The following B3GAT2 variants were observed in gnomAD, a reference collection of about 807,000 sequenced individuals.
The protein encoded by B3GAT2 is beta-1,3-glucuronyltransferase 2.
B3GAT2 carries 26 observed loss-of-function variants against 27.8 expected under a neutral mutation model. That is an observed-to-expected ratio of 0.93 (90% CI 0.68 to 1.30). The LOEUF is 1.30. B3GAT2 is among the 50% of genes most tolerant of loss of function. B3GAT2 has a pLI of 0.00. For missense variants in B3GAT2, 458 were observed against 459.0 expected, an observed-to-expected ratio of 1.00 and a Z score of 0.02; for synonymous variants, 218 against 195.1, an observed-to-expected ratio of 1.12 and a Z score of -0.98.
intron 2 of B3GAT2, among the ~76,000 whole-genome samples, chr6:70,883,272 C>T (rs1772127338): frequency 6.6e-6 from 1 of 152,088 alleles, no homozygotes; most frequent in Admixed American, 6.5e-5. Flanking sequence ...ATCTGTGCAC[C>T]AATGTTTATA....
At position 70,860,461 on chromosome 6, in the gene B3GAT2, CTGATTGACCGTGTT is replaced by C. The variant is rs1771669030; in HGVS notation, c.*1188_*1201del. 8.7e-7 allele frequency: 1 copy of C among 1,146,712 alleles called. No homozygotes were observed. Among genetic ancestry groups the C allele is most frequent in the Admixed American group, 3.0e-5 (1 of 32,838 alleles). 71.0% of individuals were successfully genotyped at this position (1,146,712 alleles called of 1,614,324 possible). On this transcript the variant is annotated 3_prime_UTR_variant, in exon 4 of 4. Coordinates refer to ENST00000230053, the MANE Select transcript of B3GAT2 (RefSeq NM_080742.3). ...CCCATTTGTTCATATTAAGAATGAT[CTGATTGACCGTGTT>C]GGTCTGTACTGATTCAATTTGATGT...
chr6:70,896,167 C>A (rs1217534057), intron 1 of B3GAT2, among the ~76,000 whole-genome samples: 1 of 152,086 alleles, frequency 6.6e-6, no homozygotes, highest in African/African-American at 2.4e-5. Flanking sequence ...ATTTTCACTA[C>A]TGGAGAGGTG....
At chr6:70,934,097 G>A (rs181971532) in intron 1 of B3GAT2, among the ~76,000 whole-genome samples, 11 of 152,274 alleles carry the variant, frequency 7.2e-5, no homozygotes, top group Non-Finnish European at 4.4e-5. Flanking sequence ...GAGGTCATGG[G>A]AGCCTTTGGC....
At chr6:70,882,382 T>C (rs1213172300) in intron 2 of B3GAT2, among the ~76,000 whole-genome samples, 1 of 152,094 alleles carries the variant, frequency 6.6e-6, no homozygotes, top group Non-Finnish European at 1.5e-5. Context: ...GTGCCTGTAG[T>C]CCCAGCTACT....
intron 1 of B3GAT2, among the ~76,000 whole-genome samples, chr6:70,913,338 C>T (rs1014518997): frequency 3.3e-5 from 5 of 152,114 alleles, no homozygotes; most frequent in South Asian, 2.1e-4. Context: ...TTAGCTGTGT[C>T]GCAGAGATTT....
At chr6:70,945,361 T>C (rs529027595) in intron 1 of B3GAT2, among the ~76,000 whole-genome samples, 1 of 151,974 alleles carries the variant, frequency 6.6e-6, no homozygotes, top group South Asian at 2.1e-4. Flanking sequence ...GAATAACCAA[T>C]ACAGAGAAGT....
intron 1 of B3GAT2, among the ~76,000 whole-genome samples, chr6:70,907,407 C>T (rs372570340): frequency 2.1e-4 from 32 of 152,262 alleles, no homozygotes; most frequent in African/African-American, 5.3e-4. Flanking sequence ...ATTGTGAGGA[C>T]GGCAGGGTGG....
intron 1 of B3GAT2, among the ~76,000 whole-genome samples, chr6:70,904,662 G>A (rs994325329): frequency 6.6e-6 from 1 of 152,120 alleles, no homozygotes; most frequent in African/African-American, 2.4e-5. Context: ...AAGGGTTCCT[G>A]GCCAATCTGT....
chr6:70,909,221 G>T (rs1437332479), intron 1 of B3GAT2, among the ~76,000 whole-genome samples: 7 of 152,142 alleles, frequency 4.6e-5, no homozygotes, highest in Non-Finnish European at 1.0e-4. Context: ...TGTAAATAAG[G>T]CTTTGCTTAC....
chr6:70,887,390 CTG>C (rs1772205429), intron 2 of B3GAT2, among the ~76,000 whole-genome samples: 1 of 152,186 alleles, frequency 6.6e-6, no homozygotes, highest in Non-Finnish European at 1.5e-5. Flanking sequence ...CTTCAGCAAC[CTG>C]CCCAGAGTGA....
At chr6:70,941,516 T>C (rs1375901339) in intron 1 of B3GAT2, among the ~76,000 whole-genome samples, 1 of 152,126 alleles carries the variant, frequency 6.6e-6, no homozygotes, top group Admixed American at 6.6e-5. Flanking sequence ...CACGACCACC[T>C]TGACAAACCT....
intron 1 of B3GAT2, among the ~76,000 whole-genome samples, chr6:70,926,358 T>C (rs908028873): frequency 1.3e-5 from 2 of 152,162 alleles, no homozygotes; most frequent in Non-Finnish European, 2.9e-5. Flanking sequence ...TTCAGAAGAT[T>C]GGTAATAACA....
intron 1 of B3GAT2, among the ~76,000 whole-genome samples, chr6:70,926,105 C>T (rs1021260924): frequency 6.6e-6 from 1 of 152,212 alleles, no homozygotes; most frequent in South Asian, 2.1e-4. Context: ...GGAAAACTAA[C>T]AAAGCATCAA....
At chr6:70,916,529 G>A (rs1772777228) in intron 1 of B3GAT2, among the ~76,000 whole-genome samples, 1 of 152,074 alleles carries the variant, frequency 6.6e-6, no homozygotes, top group South Asian at 2.1e-4. Context: ...ATTGGCTGTG[G>A]GTGTGTCATA....
At chr6:70,874,927 G>A (rs1047901679) in intron 2 of B3GAT2, among the ~76,000 whole-genome samples, 4 of 151,852 alleles carry the variant, frequency 2.6e-5, no homozygotes, top group Non-Finnish European at 5.9e-5. Context: ...CTACCATGGA[G>A]GAAATGGAGA....
In B3GAT2 at chr6:70,857,137, C is replaced by T; in HGVS notation, c.*4526G>A. ...CTTTTATTGTTCCATGTAGTGAGTG[C>T]TTTTGTTGTTGCAGTTTATACAACT... On this transcript the variant is annotated 3_prime_UTR_variant, in exon 4 of 4. Coordinates refer to ENST00000230053, the MANE Select transcript of B3GAT2 (RefSeq NM_080742.3). The T allele has an allele frequency of 8.7e-7, 1 of 1,151,528 alleles. No individual in the cohort carries two copies. Among genetic ancestry groups the T allele is most frequent in the South Asian group, 2.6e-5 (1 of 38,638 alleles). 71.3% of individuals were successfully genotyped at this position (1,151,528 alleles called of 1,614,324 possible). A position where few individuals can be genotyped will look rare whatever the true frequency, so the allele number is the denominator to read the frequency against.
At chr6:70,916,336 T>C (rs1249952575) in intron 1 of B3GAT2, among the ~76,000 whole-genome samples, 5 of 152,226 alleles carry the variant, frequency 3.3e-5, no homozygotes, top group African/African-American at 1.2e-4. Context: ...TATAATCATG[T>C]CATCTACAAA....
chr6:70,859,600 A>G lies in B3GAT2; in HGVS notation c.*2063T>C. On this transcript the variant is annotated 3_prime_UTR_variant, in exon 4 of 4. Coordinates refer to ENST00000230053, the MANE Select transcript of B3GAT2 (RefSeq NM_080742.3). ...AAATCTTGCCTTTCCTTCTCTTATC[A>G]CCAATTTTGGAAGTAAGAGAATCAC... 4.9e-6 allele frequency: 2 copies of G among 404,380 alleles called. No individual in the cohort carries two copies. The highest frequency in any genetic ancestry group is 8.8e-6 in the Non-Finnish European group (2 of 228,404). 25.0% of individuals were successfully genotyped at this position (404,380 alleles called of 1,614,324 possible). A position where few individuals can be genotyped will look rare whatever the true frequency, so the allele number is the denominator to read the frequency against.
At chr6:70,945,803 T>C (rs1314014638) in intron 1 of B3GAT2, among the ~76,000 whole-genome samples, 2 of 148,970 alleles carry the variant, frequency 1.3e-5, no homozygotes, top group Admixed American at 6.7e-5. Flanking sequence ...AAGGAAAAAA[T>C]GGTAAGGGCA....
Sources: allele counts gnomAD v4.1 joint callset (sites outside exome capture counted in the v4.1 genomes callset), GRCh38; gene constraint gnomAD v4.1.1; transcripts MANE v1.5; gene names NCBI Gene and HGNC (gene_info 2026-07-23, HGNC 2026-07-21).